The following LPP variants were observed in gnomAD, a reference collection of about 807,000 sequenced individuals.
The protein encoded by LPP is lipoma-preferred partner.
Under a neutral mutation model 60.4 loss-of-function variants are expected in LPP, and 38 were observed. The observed-to-expected ratio is 0.63, with a 90% CI of 0.49 to 0.83. The LOEUF (loss-of-function observed/expected upper bound fraction) is 0.83. Among genes scored for constraint, LPP ranks in the 40% least tolerant of loss-of-function variants. The pLI is 0.00. For missense variants in LPP, 902 were observed against 783.6 expected (o/e 1.15, Z -1.80); for synonymous variants, 328 against 290.8 (o/e 1.13, Z -1.30).
chr3:188,636,021 C>G (rs1848663801), intron 7 of LPP, among the ~76,000 whole-genome samples: 1 of 152,134 alleles, frequency 6.6e-6, no homozygotes, highest in South Asian at 2.1e-4. Context: ...GAAACAGATC[C>G]CTGGATTATG....
rs567800592 is a variant in LPP at position 188,699,257 on chromosome 3, G to A, written c.1114-9010G>A. 2.0e-5 allele frequency among the ~76,000 whole-genome samples: 3 copies of A among 152,300 alleles called. No homozygotes were observed. The South Asian group carries it at 6.2e-4, about 32-fold the overall frequency. The stretch of plus-strand genomic sequence containing the variant: ...AGCTGCCTTGACACGTGGAGACGGA[G>A]AGAGGTGGGTGTGGAGAGACCTCAC... On this transcript the variant is annotated intron_variant, in intron 7 of 11. Transcript: ENST00000617246.
chr3:188,373,932 C>T (rs78518674), intron 3 of LPP, among the ~76,000 whole-genome samples: 7,852 of 152,156 alleles, frequency 0.052, 284 homozygotes, highest in East Asian at 0.2. Context: ...ATATGGCTGG[C>T]CAGTTTCCCC....
chr3:188,277,411 C>G (rs562686911), intron 2 of LPP, among the ~76,000 whole-genome samples: 1 of 152,256 alleles, frequency 6.6e-6, no homozygotes, highest in African/African-American at 2.4e-5. Context: ...TTCCTTGATT[C>G]TCTCTTCTCT....
At chr3:188,475,437 T>C (rs533715456) in intron 4 of LPP, among the ~76,000 whole-genome samples, 1 of 152,342 alleles carries the variant, frequency 6.6e-6, no homozygotes, top group East Asian at 1.9e-4. Flanking sequence ...AAAAAATGCA[T>C]GCCTATAATT....
chr3:188,166,400 T>C lies in LPP; in HGVS notation c.-190+12148T>C, dbSNP rs550474779. On this transcript the variant is annotated intron_variant, in intron 1 of 11. Coordinates refer to ENST00000617246, the MANE Select transcript of LPP (RefSeq NM_001375462.1). ...TTGCCAATAAATTAATGCTCACTCA[T>C]GTGGGAGATATTGGTAGCTGGCTCA... Among the ~76,000 whole-genome samples, 8 of 152,316 alleles carry C rather than the reference T, an allele frequency of 5.3e-5. No homozygotes were observed. In the South Asian group the frequency reaches 1.0e-3, roughly 20 times the overall value.
intron 7 of LPP, among the ~76,000 whole-genome samples, chr3:188,704,726 A>G (rs1865134242): frequency 6.6e-6 from 1 of 151,956 alleles, no homozygotes; most frequent in African/African-American, 2.4e-5. Context: ...TGAAATTGTA[A>G]GTAAATTTTG....
chr3:188,464,120 T>C (rs1316028272), intron 4 of LPP, among the ~76,000 whole-genome samples: 7 of 152,222 alleles, frequency 4.6e-5, no homozygotes. Flanking sequence ...TTGAGGTTTC[T>C]AGCTTTTAAT....
intron 3 of LPP, among the ~76,000 whole-genome samples, chr3:188,354,695 T>A (rs997866578): frequency 1.3e-5 from 2 of 152,238 alleles, no homozygotes; most frequent in African/African-American, 4.8e-5. Flanking sequence ...CTGGGCACTC[T>A]TGTAAACTTT....
intron 7 of LPP, among the ~76,000 whole-genome samples, chr3:188,626,000 G>A (rs1846766627): frequency 6.6e-6 from 1 of 152,096 alleles, no homozygotes; most frequent in Non-Finnish European, 1.5e-5. Context: ...TCTCAATAAT[G>A]AGCAGTGAGA....
chr3:188,229,071 G>A (rs975216014), intron 2 of LPP, among the ~76,000 whole-genome samples: 2 of 152,144 alleles, frequency 1.3e-5, no homozygotes, highest in East Asian at 1.9e-4. Context: ...GCACTAACTC[G>A]TCCTCAGTCC....
chr3:188,855,499 A>G (rs1156524788), intron 9 of LPP, among the ~76,000 whole-genome samples: 2 of 152,330 alleles, frequency 1.3e-5, no homozygotes, highest in East Asian at 3.9e-4. Context: ...GGCTGCTGAA[A>G]TAGTGTGGTG....
intron 2 of LPP, among the ~76,000 whole-genome samples, chr3:188,271,500 C>T (rs112020481): frequency 2.5e-4 from 38 of 152,234 alleles, no homozygotes; most frequent in African/African-American, 8.2e-4. Flanking sequence ...AGTCAGTAAT[C>T]GGATGAGACA....
At chr3:188,297,756 T>C (rs1369733131) in intron 2 of LPP, among the ~76,000 whole-genome samples, 1 of 152,226 alleles carries the variant, frequency 6.6e-6, no homozygotes, top group Non-Finnish European at 1.5e-5. Context: ...GCATTTCATA[T>C]TGAAGTGAAA....
intron 2 of LPP, among the ~76,000 whole-genome samples, chr3:188,295,630 T>C (rs1007578592): frequency 3.9e-5 from 6 of 152,152 alleles, no homozygotes; most frequent in African/African-American, 1.4e-4. Context: ...CTCAGCCTCT[T>C]GGGCTCAAGC....
intron 8 of LPP, among the ~76,000 whole-genome samples, chr3:188,717,685 T>C (rs1480641005): frequency 6.6e-6 from 1 of 152,208 alleles, no homozygotes; most frequent in East Asian, 1.9e-4. Flanking sequence ...TATTTTCTTT[T>C]GTGGTAGTGA....
intron 5 of LPP, among the ~76,000 whole-genome samples, chr3:188,484,981 T>A (rs78451895): frequency 1.3e-5 from 2 of 152,178 alleles, no homozygotes; most frequent in Admixed American, 6.5e-5. Context: ...ATTTTTTTTT[T>A]AGGAATACTA....
intron 1 of LPP, among the ~76,000 whole-genome samples, chr3:188,220,739 C>G (rs1286289791): frequency 6.6e-6 from 1 of 152,150 alleles, no homozygotes; most frequent in Non-Finnish European, 1.5e-5. Context: ...CTGCTTGGAA[C>G]GTGAAACTTT....
intron 7 of LPP, among the ~76,000 whole-genome samples, chr3:188,704,338 A>G (rs1228995118): frequency 6.6e-6 from 1 of 152,212 alleles, no homozygotes; most frequent in Non-Finnish European, 1.5e-5. Context: ...ATTTATCATG[A>G]AATGTGGGTT....
At position 188,883,930 on chromosome 3, in the gene LPP, C is replaced by T. The variant is rs959727520; in HGVS notation, c.*9451C>T. 4.6e-6 allele frequency: 1 copy of T among 215,144 alleles called. No individual in the cohort carries two copies. Among genetic ancestry groups the T allele is most frequent in the Non-Finnish European group, 9.4e-6 (1 of 106,858 alleles). 13.3% of individuals were successfully genotyped at this position (215,144 alleles called of 1,614,324 possible). On this transcript the variant is annotated 3_prime_UTR_variant, in exon 12 of 12. Transcript: ENST00000617246. ...AGTTTTCTATGGAAATGTACAAATG[C>T]TTTCCTCATTGCTCTGGATGACTAT...
Sources: gnomAD v4.1 joint callset for allele counts (sites outside exome capture counted in the v4.1 genomes callset) on GRCh38, gnomAD v4.1.1 for gene constraint, MANE v1.5 for transcripts, NCBI Gene and HGNC (gene_info 2026-07-23, HGNC 2026-07-21) for gene names.